BCAR3: variants seen among roughly 807,000 people sequenced by gnomAD.
The protein encoded by BCAR3 is BCAR3 adaptor protein, NSP family member.
Under a neutral mutation model 80.1 loss-of-function variants are expected in BCAR3, and 37 were observed. The ratio of observed to expected loss-of-function variants is 0.46; its 90% CI spans 0.36 to 0.61. The LOEUF (loss-of-function observed/expected upper bound fraction) is 0.61. BCAR3 is among the 20% of genes least tolerant of loss of function. The probability of loss-of-function intolerance (pLI) is 0.00; values close to 1 mark genes in which losing one functional copy is unlikely to be tolerated. For synonymous variants in BCAR3, 389 were observed against 418.9 expected (o/e 0.93, Z 0.87); for missense variants, 978 against 1,068.2 (o/e 0.92, Z 1.18).
At chr1:93,782,576 G>C (rs373985636) in intron 2 of BCAR3, among the ~76,000 whole-genome samples, 6 of 152,148 alleles carry the variant, frequency 3.9e-5, no homozygotes, top group African/African-American at 1.4e-4. Flanking sequence ...AGAGAAAATG[G>C]AGTACATTAG....
At chr1:93,736,818 A>G (rs1265120440) in intron 2 of BCAR3, among the ~76,000 whole-genome samples, 1 of 152,222 alleles carries the variant, frequency 6.6e-6, no homozygotes, top group Non-Finnish European at 1.5e-5. Context: ...AAAATAAAAA[A>G]TCATCATGGT....
Position 93,702,375 on chromosome 1 carries a change from G to A in BCAR3, c.-12+3717C>T, listed in dbSNP as rs369895952. Among the ~76,000 whole-genome samples the A allele has an allele frequency of 2.5e-4, 38 of 152,322 alleles. 1 individual carries two copies. In the South Asian group the frequency reaches 7.9e-3, roughly 32 times the overall value. ...CAGAGGAGTCTTAAAAACAACCTCA[G>A]CCCAACTGTCTCCTGACTGTTCCCC... On this transcript the variant is annotated intron_variant, in intron 3 of 13. Transcript: ENST00000370244.
upstream of BCAR3, among the ~76,000 whole-genome samples, chr1:93,684,723 GTT>G: frequency 7.4e-6 from 1 of 134,578 alleles, no homozygotes. Context: ...TGAATCAGGT[GTT>G]TTTTGTTTTT....
chr1:93,698,570 C>T (rs1405752347), intron 3 of BCAR3, among the ~76,000 whole-genome samples: 4 of 152,128 alleles, frequency 2.6e-5, no homozygotes, highest in Admixed American at 6.5e-5. Flanking sequence ...ACGAGGCCTC[C>T]GTGGCCAGAG....
chr1:93,701,119 A>C (rs1649625608), intron 3 of BCAR3, among the ~76,000 whole-genome samples: 1 of 152,208 alleles, frequency 6.6e-6, no homozygotes, highest in African/African-American at 2.4e-5. Context: ...GCGTAATGAG[A>C]ATATTTGCCT....
chr1:93,694,725 G>A (rs1029582235), intron 3 of BCAR3, among the ~76,000 whole-genome samples: 1 of 152,196 alleles, frequency 6.6e-6, no homozygotes, highest in Admixed American at 6.5e-5. Context: ...GGCAGCCAAT[G>A]TTTAACAAGA....
intron 2 of BCAR3, chr1:93,845,493 T>TC (rs1557708507): frequency 0.025 from 952 of 37,958 alleles, 83 homozygotes; most frequent in African/African-American, 0.029. Flanking sequence ...TATATATATA[T>TC]ATATATATAA....
intron 2 of BCAR3, among the ~76,000 whole-genome samples, chr1:93,810,192 C>CA (rs111305058): frequency 0.01 from 1,013 of 98,710 alleles, 14 homozygotes; most frequent in South Asian, 0.039. Context: ...GACTCCATCT[C>CA]AAAAAAAAAA....
At chr1:93,564,791 A>G (rs1355421396) in intron 11 of BCAR3, among the ~76,000 whole-genome samples, 1 of 152,124 alleles carries the variant, frequency 6.6e-6, no homozygotes, top group East Asian at 1.9e-4. Flanking sequence ...TTATTTTGGC[A>G]CCTTTGTTGA....
chr1:93,808,516 T>A (rs963543390), intron 2 of BCAR3, among the ~76,000 whole-genome samples: 5 of 152,096 alleles, frequency 3.3e-5, no homozygotes, highest in African/African-American at 1.2e-4. Context: ...AATCGATGTA[T>A]AAATTAAGAA....
At chr1:93,577,426 A>T (rs530614588) in intron 7 of BCAR3, among the ~76,000 whole-genome samples, 1 of 152,228 alleles carries the variant, frequency 6.6e-6, no homozygotes, top group Admixed American at 6.5e-5. Context: ...CCTGTGGATG[A>T]GCTCTCTAGT....
chr1:93,566,812 CCGCCTCCCGGGTT>C (rs1387734866), intron 11 of BCAR3, among the ~76,000 whole-genome samples: 1 of 152,210 alleles, frequency 6.6e-6, no homozygotes, highest in Non-Finnish European at 1.5e-5. Flanking sequence ...ACTGCAACCT[CCGCCTCCCGGGTT>C]CAAGTGATTC....
chr1:93,790,660 T>A, intron 2 of BCAR3, among the ~76,000 whole-genome samples: 1 of 145,876 alleles, frequency 6.9e-6, no homozygotes, highest in Admixed American at 6.8e-5. Flanking sequence ...AATTTTTTTT[T>A]TTTTAATTAT....
chr1:93,751,548 C>T (rs549674490), intron 2 of BCAR3, among the ~76,000 whole-genome samples: 1 of 152,340 alleles, frequency 6.6e-6, no homozygotes, highest in Admixed American at 6.5e-5. Context: ...AGCCATGTAA[C>T]TTCACCTCAG....
At chr1:93,731,807 C>T in intron 2 of BCAR3, among the ~76,000 whole-genome samples, 1 of 152,190 alleles carries the variant, frequency 6.6e-6, no homozygotes, top group South Asian at 2.1e-4. Flanking sequence ...AGGCATAGTG[C>T]CCCAAGTGCC....
chr1:93,728,735 C>T (rs538019721), intron 2 of BCAR3, among the ~76,000 whole-genome samples: 14 of 152,310 alleles, frequency 9.2e-5, no homozygotes, highest in African/African-American at 2.6e-4. Context: ...CTTCCCTCGA[C>T]GTCCTCTTGA....
chr1:93,658,589 T>C (rs1040441736), intron 2 of BCAR3, among the ~76,000 whole-genome samples: 1 of 151,904 alleles, frequency 6.6e-6, no homozygotes, highest in Non-Finnish European at 1.5e-5. Context: ...GAGGTGGAGG[T>C]TGCAGTGAGC....
intron 3 of BCAR3, among the ~76,000 whole-genome samples, chr1:93,614,836 C>T (rs1169665081): frequency 6.6e-6 from 1 of 152,038 alleles, no homozygotes; most frequent in African/African-American, 2.4e-5. Flanking sequence ...ACCCACTTTG[C>T]GTAACCTAGA....
intron 3 of BCAR3, chr1:93,600,756 G>A (rs909347559): frequency 2.0e-5 from 3 of 152,312 alleles, no homozygotes; most frequent in African/African-American, 7.2e-5. Context: ...TGACACATCT[G>A]TAGAGGTACA....
Sources: allele counts gnomAD v4.1 joint callset (sites outside exome capture counted in the v4.1 genomes callset), GRCh38; gene constraint gnomAD v4.1.1; transcripts MANE v1.5; gene names NCBI Gene and HGNC (gene_info 2026-07-23, HGNC 2026-07-21).